Variants in MAP3K5 observed in about 807,000 individuals in gnomAD.
The protein encoded by MAP3K5 is mitogen-activated protein kinase kinase kinase 5.
MAP3K5 carries 56 observed loss-of-function variants against 158.7 expected under a neutral mutation model. That is an observed-to-expected ratio of 0.35 (90% confidence interval 0.28 to 0.44). MAP3K5 has a LOEUF of 0.44. MAP3K5 is among the 20% of genes least tolerant of loss of function. The pLI is 1.00. For missense variants in MAP3K5, 1,294 were observed against 1,674.8 expected (o/e 0.77, Z 3.97); for synonymous variants, 579 against 601.7 (o/e 0.96, Z 0.55).
rs140339000 is a variant in MAP3K5, at chr6:136,758,276, A to AC, written c.448+33433_448+33434insG. Among the ~76,000 whole-genome samples the AC allele has an allele frequency of 2.5e-3, 377 of 152,362 alleles. 8 individuals are homozygous for AC. In the South Asian group the frequency reaches 0.037, roughly 15 times the overall value. On this transcript the variant is annotated intron_variant, in intron 1 of 29. Transcript: ENST00000359015. ...TATAATATTTTAGAGCACTAAAAAA[A>AC]ATTACATAACAAAGCCTTGCAGTTT...
chr6:136,671,327 AT>A (rs1471706606), intron 7 of MAP3K5, among the ~76,000 whole-genome samples: 1 of 152,190 alleles, frequency 6.6e-6, no homozygotes, highest in Non-Finnish European at 1.5e-5. Flanking sequence ...CAAACAATAT[AT>A]ATTTTTGTAT....
chr6:136,769,815 A>AGGGAGGGAGGGAGGGAGGGGG (rs1784122247), intron 1 of MAP3K5, among the ~76,000 whole-genome samples: 1 of 13,668 alleles, frequency 7.3e-5, no homozygotes, highest in Non-Finnish European at 1.2e-4. Context: ...GAGGGAGGGG[A>AGGGAGGGAGGGAGGGAGGGGG]CGGGAGGGAG....
chr6:136,719,035 G>T (rs1449408285), intron 2 of MAP3K5, among the ~76,000 whole-genome samples: 1 of 152,080 alleles, frequency 6.6e-6, no homozygotes, highest in African/African-American at 2.4e-5. Flanking sequence ...AATTAGCTGG[G>T]TGAGGTAGCA....
chr6:136,734,975 G>GA (rs1234349065), intron 1 of MAP3K5, among the ~76,000 whole-genome samples: 1 of 152,224 alleles, frequency 6.6e-6, no homozygotes, highest in East Asian at 1.9e-4. Flanking sequence ...TGTGGATGCT[G>GA]AGTGACATAC....
rs140191164 is a variant in MAP3K5, at chr6:136,698,224, A to G, written c.806+265T>C. 1.2e-3 allele frequency among the ~76,000 whole-genome samples: 179 copies of G among 152,312 alleles called. 1 individual carries two copies. Among genetic ancestry groups the G allele is most frequent in the African/African-American group, 3.9e-3 (163 of 41,574 alleles). On this transcript the variant is annotated intron_variant, in intron 4 of 29. Coordinates refer to ENST00000359015, the MANE Select transcript of MAP3K5 (RefSeq NM_005923.4). ...ACATTTATCCTGGTATTGTTTCTGT[A>G]CTTGCTTTGTATATATTTTTAGTTC...
At chr6:136,631,146 A>G (rs1364219409) in intron 14 of MAP3K5, among the ~76,000 whole-genome samples, 2 of 152,230 alleles carry the variant, frequency 1.3e-5, no homozygotes, top group African/African-American at 2.4e-5. Context: ...TCTCCTGTCA[A>G]CTTGTCTTTT....
chr6:136,753,429 G>A (rs982647694), intron 1 of MAP3K5, among the ~76,000 whole-genome samples: 2 of 151,994 alleles, frequency 1.3e-5, no homozygotes, highest in African/African-American at 4.8e-5. Flanking sequence ...ATCTCTCTTG[G>A]CCTTGCCAAG....
Position 136,772,108 on chromosome 6 carries a change from G to T in MAP3K5, c.448+19602C>A, listed in dbSNP as rs574116156. On this transcript the variant is annotated intron_variant, in intron 1 of 29. Transcript: ENST00000359015. ...ATTTTTTAGTAGAAATGGGGGGGGG[G>T]GGTTTACCATGTTGGCCAGGCTGGT... Among the ~76,000 whole-genome samples, 200 of 144,050 alleles carry T rather than the reference G, an allele frequency of 1.4e-3. 5 individuals are homozygous for T. Among genetic ancestry groups the T allele is most frequent in the African/African-American group, 4.4e-3 (173 of 39,168 alleles). The allele number at this position is 144,050 out of a possible 152,430, so 94.5% of individuals were successfully genotyped here.
At chr6:136,675,952 A>T (rs1238068080) in intron 7 of MAP3K5, among the ~76,000 whole-genome samples, 1 of 152,236 alleles carries the variant, frequency 6.6e-6, no homozygotes, top group Non-Finnish European at 1.5e-5. Flanking sequence ...GAGCATTAAA[A>T]GCAAAGGACA....
At chr6:136,731,107 G>C (rs1366549489) in intron 1 of MAP3K5, among the ~76,000 whole-genome samples, 1 of 152,136 alleles carries the variant, frequency 6.6e-6, no homozygotes, top group Admixed American at 6.5e-5. Context: ...AGTCACAATG[G>C]CGCACGCCTT....
chr6:136,685,159 A>C (rs1780094582), intron 7 of MAP3K5, among the ~76,000 whole-genome samples: 2 of 151,992 alleles, frequency 1.3e-5, no homozygotes, highest in Admixed American at 6.6e-5. Context: ...CAAAAAAAAA[A>C]ATACAAAAAG....
intron 1 of MAP3K5, among the ~76,000 whole-genome samples, chr6:136,748,622 TGAA>T (rs1326919571): frequency 6.6e-6 from 1 of 152,162 alleles, no homozygotes; most frequent in African/African-American, 2.4e-5. Flanking sequence ...ATTAGTTTCT[TGAA>T]GAATAAAGAT....
intron 1 of MAP3K5, among the ~76,000 whole-genome samples, chr6:136,734,671 C>A (rs908660556): frequency 1.4e-4 from 22 of 152,044 alleles, no homozygotes; most frequent in African/African-American, 5.1e-4. Context: ...TATGAACAGG[C>A]TTTTGTGAAG....
chr6:136,604,411 AAAATAAAT>A (rs530785576), intron 19 of MAP3K5, among the ~76,000 whole-genome samples: 1 of 152,082 alleles, frequency 6.6e-6, no homozygotes, highest in Non-Finnish European at 1.5e-5. Flanking sequence ...GGGAGCACAA[AAAATAAAT>A]AAATAAATAA....
chr6:136,751,141 C>CT (rs1286966430), intron 1 of MAP3K5, among the ~76,000 whole-genome samples: 1 of 136,710 alleles, frequency 7.3e-6, no homozygotes, highest in Non-Finnish European at 1.6e-5. Context: ...TCTCTGTGGG[C>CT]TCTGGCTGCT....
rs1201570585 is a variant in MAP3K5, at chr6:136,592,609, G to A, written c.2884C>T (p.Leu962Phe). The change falls in exon 22 of 30, where the codon CTC becomes TTC. Residue 962 changes from leucine to phenylalanine, a missense_variant. Transcript: ENST00000359015. ...SALSAGSNEYLRSISLPVPVL... is the reference protein window; with the variant it reads ...SALSAGSNEYFRSISLPVPVL... ...GGTACCGGCAAGGATATACTCCTGA[G>A]ATATTCTGCTTGTGATGAGAGGAGG... 1.2e-6 allele frequency: 2 copies of A among 1,612,806 alleles called. No homozygotes were observed. Among genetic ancestry groups the A allele is most frequent in the South Asian group, 1.1e-5 (1 of 91,048 alleles).
Position 136,605,243 on chromosome 6 carries a change from T to C in MAP3K5, c.2645A>G (p.Tyr882Cys). 1 of 1,614,104 alleles carries C rather than the reference T, an allele frequency of 6.2e-7. No individual in the cohort carries two copies. The highest frequency in any genetic ancestry group is 8.5e-7 in the Non-Finnish European group (1 of 1,179,984). Residue 882 changes from tyrosine to cysteine, a missense_variant, in exon 19 of 30, where the codon TAT becomes TGT. This residue lies in a region of MAP3K5 where 362 missense variants were observed against 463.2 expected (regional missense o/e 0.78). Transcript: ENST00000359015. ...AGCTGCTTGTGGTTCTCCCAGTTCATAAAATGGGGGTTTTCCTGTGGCCAT... is the reference window on the plus strand; with the variant it reads ...AGCTGCTTGTGGTTCTCCCAGTTCACAAAATGGGGGTTTTCCTGTGGCCAT... ...IEMATGKPPF[Y>C]ELGEPQAAMF...
intron 1 of MAP3K5, among the ~76,000 whole-genome samples, chr6:136,732,889 T>C (rs1440391529): frequency 2.6e-5 from 4 of 152,196 alleles, no homozygotes; most frequent in African/African-American, 9.6e-5. Flanking sequence ...TTTATTCTGC[T>C]TAGTGGCCAC....
chr6:136,670,394 A>G (rs1779431706), intron 7 of MAP3K5, among the ~76,000 whole-genome samples: 1 of 152,138 alleles, frequency 6.6e-6, no homozygotes, highest in South Asian at 2.1e-4. Flanking sequence ...AGGCCAATGC[A>G]TGAAAAATGA....
Sources: allele counts gnomAD v4.1 joint callset (sites outside exome capture counted in the v4.1 genomes callset), GRCh38; gene constraint gnomAD v4.1.1; regional missense constraint gnomAD v4.1.1; transcripts MANE v1.5; gene names NCBI Gene and HGNC (gene_info 2026-07-23, HGNC 2026-07-21).